CDH17: variants seen among roughly 807,000 people sequenced by gnomAD.
CDH17 encodes the protein cadherin 17.
A neutral mutation model predicts 86.3 loss-of-function variants in CDH17; 67 were observed. That is an observed-to-expected ratio of 0.78 (90% confidence interval 0.64 to 0.95). The LOEUF (loss-of-function observed/expected upper bound fraction) is 0.95. CDH17 is among the 40% of genes least tolerant of loss of function. The pLI, the probability that CDH17 is intolerant of heterozygous loss-of-function variation, is 0.00. For synonymous variants in CDH17, 367 were observed against 366.4 expected, an observed-to-expected ratio of 1.00 and a Z score of -0.02; for missense variants, 993 against 1,017.6, an observed-to-expected ratio of 0.98 and a Z score of 0.33.
chr8:94,148,135 G>A (rs1330501378), intron 14 of CDH17, among the ~76,000 whole-genome samples: 9 of 152,230 alleles, frequency 5.9e-5, no homozygotes, highest in Non-Finnish European at 1.2e-4. Flanking sequence ...TGGAAGAAGG[G>A]AGGTAGTTCA....
At chr8:94,171,028 C>T (rs1387015203) in intron 7 of CDH17, 43 bp from the exon 8 acceptor site, 1 of 1,568,742 alleles carries the variant, frequency 6.4e-7, no homozygotes, top group African/African-American at 1.4e-5. Flanking sequence ...TGTATTTGGA[C>T]TGAGAGAACT....
At chr8:94,128,469 T>C (rs1563560981) in intron 17 of CDH17, 129 bp from the exon 18 acceptor site, 4 of 635,632 alleles carry the variant, frequency 6.3e-6, no homozygotes. Context: ...TCAACAAAAT[T>C]TCACTGTCCT....
intron 15 of CDH17, 29 bp downstream of exon 15, chr8:94,145,899 T>C (rs1297397191): frequency 1.3e-6 from 2 of 1,599,466 alleles, no homozygotes; most frequent in Admixed American, 3.4e-5. Flanking sequence ...TCCATCTATG[T>C]TTTTTTCCAT....
intron 13 of CDH17, 107 bp downstream of exon 13, chr8:94,151,761 G>T: frequency 7.1e-7 from 1 of 1,412,332 alleles, no homozygotes; most frequent in Non-Finnish European, 9.8e-7. Flanking sequence ...TCATTGCTGG[G>T]TATGCTGTGA....
At chr8:94,186,118 G>T (rs939097358) in intron 3 of CDH17, among the ~76,000 whole-genome samples, 2 of 152,014 alleles carry the variant, frequency 1.3e-5, no homozygotes, top group African/African-American at 4.8e-5. Context: ...CCTATATAAG[G>T]AAGTCTCCCC....
chr8:94,136,219 A>C (rs940695546), intron 15 of CDH17, among the ~76,000 whole-genome samples: 12 of 152,192 alleles, frequency 7.9e-5, no homozygotes, highest in African/African-American at 2.7e-4. Context: ...AGATTGGGGA[A>C]GTTCTCCTGG....
Position 94,148,721 on chromosome 8 carries a change from GTTTTTTTTT to G in CDH17, c.1927+14_1927+22del, listed in dbSNP as rs151133817. 9 of 1,121,656 alleles carry G rather than the reference GTTTTTTTTT, an allele frequency of 8.0e-6. No homozygotes were observed. Among genetic ancestry groups the G allele is most frequent in the Admixed American group, 7.7e-5 (2 of 25,952 alleles). 69.5% of individuals were successfully genotyped at this position (1,121,656 alleles called of 1,614,324 possible). On this transcript the variant is annotated intron_variant, in intron 14 of 17. Transcript: ENST00000027335. ...TGATAATCTGTGTTCCTTTTTTTTT[GTTTTTTTTT>G]TTTTTTTGCTTACCTACTTCTGTGG...
intron 1 of CDH17, among the ~76,000 whole-genome samples, chr8:94,199,745 A>G (rs1376454154): frequency 6.6e-6 from 1 of 152,172 alleles, no homozygotes; most frequent in Non-Finnish European, 1.5e-5. Flanking sequence ...AGACAAATCT[A>G]CCACACCATG....
chr8:94,137,420 C>T (rs1279612460), intron 15 of CDH17, among the ~76,000 whole-genome samples: 2 of 152,162 alleles, frequency 1.3e-5, no homozygotes, highest in African/African-American at 4.8e-5. Flanking sequence ...GTGAACAAGG[C>T]TCTGTGGGCA....
intron 9 of CDH17, 50 bp from the exon 10 acceptor site, chr8:94,166,026 C>A: frequency 1.8e-6 from 2 of 1,106,282 alleles, no homozygotes; most frequent in Middle Eastern, 2.0e-4. Context: ...TCCACATAAT[C>A]TATTAAAATA....
chr8:94,177,963 T>C (rs1813407348), intron 3 of CDH17, among the ~76,000 whole-genome samples: 1 of 152,240 alleles, frequency 6.6e-6, no homozygotes, highest in Non-Finnish European at 1.5e-5. Context: ...TCATTGATGC[T>C]TTAAATTATA....
At chr8:94,217,230 G>C (rs867406287) in exon 1 of CDH17, 1 of 152,236 alleles carries the variant, frequency 6.6e-6, no homozygotes, top group African/African-American at 2.4e-5. Context: ...AAGCGGGGGT[G>C]GGGGGACTCA....
intron 1 of CDH17, among the ~76,000 whole-genome samples, chr8:94,216,744 C>G (rs1465151605): frequency 6.6e-6 from 1 of 152,164 alleles, no homozygotes; most frequent in Non-Finnish European, 1.5e-5. Context: ...CTACACAATA[C>G]TTGACTAGAA....
At chr8:94,203,573 C>G (rs562683559) in intron 1 of CDH17, among the ~76,000 whole-genome samples, 13 of 152,302 alleles carry the variant, frequency 8.5e-5, no homozygotes, top group African/African-American at 2.9e-4. Context: ...TTCAGATCTG[C>G]CACGCCCATC....
Position 94,192,224 on chromosome 8 carries a change from G to C in CDH17, c.51+2411C>G, listed in dbSNP as rs371950322. Among the ~76,000 whole-genome samples the C allele has an allele frequency of 6.6e-5, 10 of 152,282 alleles. No homozygotes were observed. The South Asian group carries it at 2.1e-3, about 32-fold the overall frequency. On this transcript the variant is annotated intron_variant, in intron 2 of 17. Coordinates refer to ENST00000027335, the MANE Select transcript of CDH17 (RefSeq NM_004063.4). ...CTATTGGGGCTATAAAGATTTCAAA[G>C]TGCATGTGGACACTGTGAATCATCA...
rs1484325578 is a variant in CDH17, at chr8:94,152,008, C to T, written c.1656G>A (p.Lys552=). Residue 552 remains lysine (K), a synonymous_variant, in exon 13 of 18, where the codon AAG becomes AAA. Transcript: ENST00000027335. ...TCACATCTGTCACAATAAGCGTGAA[C>T]TTGGCAAAAGAACTTGCATTGTACT... is the stretch of plus-strand genomic sequence containing the variant. ...GVKYNASSFA[K]FTLIVTDVNE... is the part of the protein sequence containing the mutation. 1.2e-6 allele frequency: 2 copies of T among 1,614,164 alleles called. No individual in the cohort carries two copies. The highest frequency in any genetic ancestry group is 1.7e-6 in the Non-Finnish European group (2 of 1,180,006).
chr8:94,174,850 C>A (rs1189401243), intron 5 of CDH17, among the ~76,000 whole-genome samples: 1 of 152,016 alleles, frequency 6.6e-6, no homozygotes, highest in East Asian at 1.9e-4. Context: ...TAACACAATG[C>A]CATTTTTCTT....
chr8:94,168,441 C>T (rs1813208850), intron 9 of CDH17, among the ~76,000 whole-genome samples: 1 of 151,440 alleles, frequency 6.6e-6, no homozygotes, highest in Non-Finnish European at 1.5e-5. Context: ...CTGCACCTGG[C>T]CTAATTCAGT....
rs537008437 is a variant in CDH17, at chr8:94,179,335, A to C, written c.151-1614T>G. ...TTCCCCTGGGGCATTTGTTGAAAACAACCATTAGCAATTGTTCAACATTGC... is the reference window on the plus strand; with the variant it reads ...TTCCCCTGGGGCATTTGTTGAAAACCACCATTAGCAATTGTTCAACATTGC... On this transcript the variant is annotated intron_variant, in intron 3 of 17. Transcript: ENST00000027335. Among the ~76,000 whole-genome samples, 129 of 152,350 alleles carry C rather than the reference A, an allele frequency of 8.5e-4. 1 individual carries two copies. Among genetic ancestry groups the C allele is most frequent in the African/African-American group, 3.0e-3 (126 of 41,582 alleles).
Sources: allele counts gnomAD v4.1 joint callset (sites outside exome capture counted in the v4.1 genomes callset), GRCh38; gene constraint gnomAD v4.1.1; transcripts MANE v1.5; gene names NCBI Gene and HGNC (gene_info 2026-07-23, HGNC 2026-07-21).